Variants in LRRTM4 observed in about 807,000 individuals in gnomAD.
LRRTM4 encodes the protein leucine-rich repeat transmembrane neuronal protein 4.
LRRTM4 carries 25 observed loss-of-function variants against 47.6 expected under a neutral mutation model. That is an observed-to-expected ratio of 0.53 (90% CI 0.38 to 0.73). The LOEUF (loss-of-function observed/expected upper bound fraction) is 0.73, where lower values mean the gene tolerates loss of function less well. Ranked by LOEUF, LRRTM4 falls within the 30% of genes least tolerant of loss-of-function variation. LRRTM4 has a pLI of 0.00. For missense variants in LRRTM4, 638 were observed against 713.4 expected (o/e 0.89, Z 1.20); for synonymous variants, 311 against 269.5 (o/e 1.15, Z -1.51).
intron 3 of LRRTM4, among the ~76,000 whole-genome samples, chr2:77,504,224 AT>A (rs1235053142): frequency 2.0e-5 from 3 of 151,586 alleles, no homozygotes; most frequent in Non-Finnish European, 3.0e-5. Flanking sequence ...TTGTAAATAG[AT>A]TTTACTGGGA....
intron 3 of LRRTM4, among the ~76,000 whole-genome samples, chr2:77,507,868 A>G (rs970269844): frequency 2.0e-5 from 3 of 152,132 alleles, no homozygotes; most frequent in Non-Finnish European, 2.9e-5. Flanking sequence ...GGTTACCATG[A>G]CGACAGCAAA....
chr2:77,236,566 G>T (rs1170414303), intron 3 of LRRTM4, among the ~76,000 whole-genome samples: 1 of 151,672 alleles, frequency 6.6e-6, no homozygotes, highest in African/African-American at 2.4e-5. Flanking sequence ...GATGTTGAAT[G>T]GGAATGATGA....
chr2:77,392,545 A>G (rs1673545100), intron 3 of LRRTM4, among the ~76,000 whole-genome samples: 1 of 152,110 alleles, frequency 6.6e-6, no homozygotes, highest in Admixed American at 6.6e-5. Context: ...AAGAAGCCAG[A>G]CAGAAGTAAA....
chr2:77,240,735 A>G (rs913135223), intron 3 of LRRTM4, among the ~76,000 whole-genome samples: 1 of 152,060 alleles, frequency 6.6e-6, no homozygotes, highest in African/African-American at 2.4e-5. Flanking sequence ...AGGTCAATGT[A>G]TCAAATTGTA....
intron 3 of LRRTM4, among the ~76,000 whole-genome samples, chr2:77,047,229 A>T (rs1177207921): frequency 6.6e-6 from 1 of 152,032 alleles, no homozygotes; most frequent in African/African-American, 2.4e-5. Flanking sequence ...TTACTCAGTC[A>T]TTTCAGGCAC....
intron 3 of LRRTM4, among the ~76,000 whole-genome samples, chr2:77,216,875 A>C (rs1573090081): frequency 6.6e-6 from 1 of 152,064 alleles, no homozygotes; most frequent in South Asian, 2.1e-4. Context: ...GATCAAGACC[A>C]TCCTGGCTAA....
chr2:77,075,582 G>A (rs1385148316), intron 3 of LRRTM4, among the ~76,000 whole-genome samples: 1 of 152,060 alleles, frequency 6.6e-6, no homozygotes, highest in Non-Finnish European at 1.5e-5. Context: ...ATGCAAATAT[G>A]ATGATAAAAA....
At chr2:77,062,972 T>G (rs1310585820) in intron 3 of LRRTM4, among the ~76,000 whole-genome samples, 1 of 100,722 alleles carries the variant, frequency 9.9e-6, no homozygotes, top group Non-Finnish European at 2.1e-5. Flanking sequence ...TTTTTTTTTT[T>G]GAGACAGAGT....
intron 3 of LRRTM4, among the ~76,000 whole-genome samples, chr2:77,126,171 T>A (rs1049880143): frequency 5.9e-5 from 9 of 152,060 alleles, no homozygotes; most frequent in African/African-American, 2.2e-4. Flanking sequence ...AAGCACACTG[T>A]ACCTTTATGT....
At chr2:76,865,055 T>C (rs1672428293) in intron 3 of LRRTM4, among the ~76,000 whole-genome samples, 1 of 152,086 alleles carries the variant, frequency 6.6e-6, no homozygotes. Flanking sequence ...ACCATTACTG[T>C]GGTCCTGAAA....
chr2:77,401,806 A>G (rs1278939060), intron 3 of LRRTM4, among the ~76,000 whole-genome samples: 1 of 151,982 alleles, frequency 6.6e-6, no homozygotes, highest in Non-Finnish European at 1.5e-5. Context: ...AAAGACTTAC[A>G]AAAGTCTGTA....
At chr2:77,318,283 G>A (rs571310176) in intron 3 of LRRTM4, among the ~76,000 whole-genome samples, 1 of 152,232 alleles carries the variant, frequency 6.6e-6, no homozygotes, top group African/African-American at 2.4e-5. Context: ...TGGGATTACA[G>A]GCGTGAGCCA....
chr2:76,987,976 G>T (rs1676863104), intron 3 of LRRTM4, among the ~76,000 whole-genome samples: 1 of 151,896 alleles, frequency 6.6e-6, no homozygotes. Flanking sequence ...TGCTAAATAT[G>T]CAGGGTAAAT....
chr2:76,874,329 A>T, intron 3 of LRRTM4, among the ~76,000 whole-genome samples: 1 of 151,870 alleles, frequency 6.6e-6, no homozygotes, highest in Admixed American at 6.6e-5. Flanking sequence ...CACCACATTT[A>T]ATTTGTCTGA....
chr2:77,503,254 G>T (rs1308187729), intron 3 of LRRTM4, among the ~76,000 whole-genome samples: 1 of 151,632 alleles, frequency 6.6e-6, no homozygotes, highest in African/African-American at 2.4e-5. Context: ...AAGATGGAGA[G>T]ACATGAATGA....
At chr2:77,407,744 C>A (rs897114031) in intron 3 of LRRTM4, among the ~76,000 whole-genome samples, 7 of 133,362 alleles carry the variant, frequency 5.2e-5, no homozygotes, top group African/African-American at 1.7e-4. Context: ...ATATTATATT[C>A]TATTATATTA....
chr2:76,749,083 A>G (rs1229718004), intron 3 of LRRTM4, among the ~76,000 whole-genome samples, 167 bp from the exon 4 acceptor site: 1 of 152,224 alleles, frequency 6.6e-6, no homozygotes, highest in Non-Finnish European at 1.5e-5. Flanking sequence ...ATTTAACTCA[A>G]TATTGTTTTG....
At chr2:77,048,141 G>T (rs1234637577) in intron 3 of LRRTM4, among the ~76,000 whole-genome samples, 2 of 151,736 alleles carry the variant, frequency 1.3e-5, no homozygotes, top group Admixed American at 1.3e-4. Flanking sequence ...ATTATGTTAG[G>T]GAAAAAATGA....
At chr2:77,246,766 TATG>T (rs928032290) in intron 3 of LRRTM4, among the ~76,000 whole-genome samples, 7 of 152,064 alleles carry the variant, frequency 4.6e-5, no homozygotes, top group Admixed American at 2.0e-4. Context: ...TATGTATAGT[TATG>T]ATAATAATAT....
Sources: gnomAD v4.1 joint callset for allele counts (sites outside exome capture counted in the v4.1 genomes callset) on GRCh38, gnomAD v4.1.1 for gene constraint, MANE v1.5 for transcripts, NCBI Gene and HGNC (gene_info 2026-07-23, HGNC 2026-07-21) for gene names.